STIM1: variants seen among roughly 807,000 people sequenced by gnomAD.
STIM1 encodes the protein stromal interaction molecule 1.
Under a neutral mutation model 74.7 loss-of-function variants are expected in STIM1, and 25 were observed. That is an observed-to-expected ratio of 0.33 (90% CI 0.24 to 0.47). The LOEUF is 0.47. Ranked by LOEUF, STIM1 falls within the 20% of genes least tolerant of loss-of-function variation. The pLI is 1.00. For synonymous variants in STIM1, 328 were observed against 348.8 expected (o/e 0.94, Z 0.66); for missense variants, 728 against 920.8 (o/e 0.79, Z 2.71).
At chr11:4,031,773 C>A (rs1471322747) in intron 3 of STIM1, among the ~76,000 whole-genome samples, 2 of 152,088 alleles carry the variant, frequency 1.3e-5, no homozygotes, top group Admixed American at 1.3e-4. Flanking sequence ...CCATTTAAGT[C>A]TTTTATCAAA....
chr11:3,903,893 G>A (rs1378281394), intron 1 of STIM1, among the ~76,000 whole-genome samples: 1 of 152,094 alleles, frequency 6.6e-6, no homozygotes, highest in Non-Finnish European at 1.5e-5. Flanking sequence ...TACAATAGAG[G>A]TACATAGAAA....
At chr11:3,905,220 G>A (rs894324305) in intron 1 of STIM1, among the ~76,000 whole-genome samples, 1 of 152,046 alleles carries the variant, frequency 6.6e-6, no homozygotes, top group African/African-American at 2.4e-5. Context: ...CAGTGGAGGG[G>A]TGGGGACAGA....
At chr11:3,991,380 G>A (rs2135850337) in intron 2 of STIM1, among the ~76,000 whole-genome samples, 1 of 150,906 alleles carries the variant, frequency 6.6e-6, no homozygotes, top group East Asian at 2.0e-4. Flanking sequence ...CATGTTGCCT[G>A]GGCTGGTCTT....
At chr11:4,060,550 G>T (rs1016888063) in intron 5 of STIM1, among the ~76,000 whole-genome samples, 2 of 152,154 alleles carry the variant, frequency 1.3e-5, no homozygotes, top group African/African-American at 4.8e-5. Context: ...TGGGGGAGTG[G>T]AGGGTTCTAG....
At chr11:3,997,263 G>A (rs184391774) in intron 2 of STIM1, among the ~76,000 whole-genome samples, 77 of 152,102 alleles carry the variant, frequency 5.1e-4, no homozygotes, top group African/African-American at 1.8e-3. Context: ...GCTAGGTGCT[G>A]GAAAAAAAGG....
At chr11:4,083,076 T>C (rs936837925) in intron 9 of STIM1, 94 bp downstream of exon 9, 17 of 1,254,588 alleles carry the variant, frequency 1.4e-5, no homozygotes, top group African/African-American at 1.3e-4. Context: ...CATTTCCTCA[T>C]TGGTGGAGGG....
intron 1 of STIM1, among the ~76,000 whole-genome samples, chr11:3,962,419 CA>C (rs985643368): frequency 3.3e-5 from 5 of 151,386 alleles, no homozygotes; most frequent in Non-Finnish European, 7.4e-5. Context: ...GACATGATTT[CA>C]TTCTTCTTTT....
intron 2 of STIM1, among the ~76,000 whole-genome samples, chr11:3,995,770 G>A (rs2093657628): frequency 6.6e-6 from 1 of 150,806 alleles, no homozygotes; most frequent in Non-Finnish European, 1.5e-5. Flanking sequence ...TCAGCCTCCT[G>A]AGTAATTGGG....
At chr11:3,947,860 A>G (rs553119960) in intron 1 of STIM1, 1 of 152,274 alleles carries the variant, frequency 6.6e-6, no homozygotes, top group East Asian at 1.9e-4. Context: ...CTCATTTTTT[A>G]TTGAGGATAA....
Position 4,093,048 on chromosome 11 carries a change from G to T in STIM1, c.*1250G>T. 1 of 152,894 alleles carries T rather than the reference G, an allele frequency of 6.5e-6. No individual in the cohort carries two copies. The highest frequency in any genetic ancestry group is 1.5e-5 in the Non-Finnish European group (1 of 68,186). The allele number at this position is 152,894 out of a possible 1,614,324, so 9.5% of individuals were successfully genotyped here. ...ACTCCCTGCCATACCTTTATCCTGG[G>T]ATCCTATTTTGGGCCTGGGGTGGGT... is the stretch of plus-strand genomic sequence containing the variant. On this transcript the variant is annotated 3_prime_UTR_variant, in exon 13 of 13. Transcript: ENST00000526596.
chr11:3,870,768 G>C (rs1212971575), intron 1 of STIM1, among the ~76,000 whole-genome samples: 10 of 151,880 alleles, frequency 6.6e-5, no homozygotes, highest in African/African-American at 2.2e-4. Flanking sequence ...AAAGTGCTGG[G>C]ATTATAGGCA....
chr11:3,896,012 C>G (rs2092157024), intron 1 of STIM1, among the ~76,000 whole-genome samples: 1 of 151,308 alleles, frequency 6.6e-6, no homozygotes. Context: ...TCACGCCATT[C>G]TCCTGCCTCA....
At chr11:3,881,083 C>A (rs1370706089) in intron 1 of STIM1, among the ~76,000 whole-genome samples, 1 of 144,792 alleles carries the variant, frequency 6.9e-6, no homozygotes, top group African/African-American at 2.6e-5. Context: ...GTGACGTAGG[C>A]CGTTTATTAA....
intron 5 of STIM1, among the ~76,000 whole-genome samples, chr11:4,068,426 G>C (rs771852649): frequency 2.6e-4 from 40 of 152,254 alleles, no homozygotes; most frequent in Non-Finnish European, 4.7e-4. Context: ...AGGAAACCAA[G>C]ATTAAAAGTC....
chr11:4,068,340 A>C (rs908373356), intron 5 of STIM1, among the ~76,000 whole-genome samples: 1 of 152,234 alleles, frequency 6.6e-6, no homozygotes, highest in Non-Finnish European at 1.5e-5. Flanking sequence ...TGCTCGTTGC[A>C]TGGAGTCTTG....
chr11:3,861,023 TG>T (rs1280095497), intron 1 of STIM1, among the ~76,000 whole-genome samples: 1 of 151,990 alleles, frequency 6.6e-6, no homozygotes, highest in East Asian at 1.9e-4. Context: ...GAGGGCTTCC[TG>T]GAAAGGAGGG....
chr11:4,071,587 A>G (rs542506090), intron 6 of STIM1, among the ~76,000 whole-genome samples: 1 of 152,066 alleles, frequency 6.6e-6, no homozygotes, highest in Non-Finnish European at 1.5e-5. Context: ...CAAGAGGTCT[A>G]CCTCAGCCTC....
chr11:3,991,962 A>AG (rs2093616234), intron 2 of STIM1, among the ~76,000 whole-genome samples: 2 of 120,038 alleles, frequency 1.7e-5, no homozygotes, highest in Non-Finnish European at 3.6e-5. Context: ...AAAAAAAAAA[A>AG]AAAAAAAAAA....
At chr11:4,039,159 G>A (rs975088954) in intron 3 of STIM1, among the ~76,000 whole-genome samples, 1 of 152,056 alleles carries the variant, frequency 6.6e-6, no homozygotes, top group Non-Finnish European at 1.5e-5. Flanking sequence ...GAAAATGTTG[G>A]CTCTGTGTGG....
Sources: gnomAD v4.1 joint callset for allele counts (sites outside exome capture counted in the v4.1 genomes callset) on GRCh38, gnomAD v4.1.1 for gene constraint, MANE v1.5 for transcripts, NCBI Gene and HGNC (gene_info 2026-07-23, HGNC 2026-07-21) for gene names.